The following STK39 variants were observed in gnomAD, a reference collection of about 807,000 sequenced individuals.
STK39 encodes the protein STE20/SPS1-related proline-alanine-rich protein kinase.
Under a neutral mutation model 77.8 loss-of-function variants are expected in STK39, and 20 were observed. That is an observed-to-expected ratio of 0.26 (90% confidence interval 0.18 to 0.37). The LOEUF (loss-of-function observed/expected upper bound fraction) is 0.37, where lower values mean the gene tolerates loss of function less well. Ranked by LOEUF, STK39 falls within the 10% of genes least tolerant of loss-of-function variation. The pLI, the probability that STK39 is intolerant of heterozygous loss-of-function variation, is 1.00. For synonymous variants in STK39, 246 were observed against 234.1 expected (o/e 1.05, Z -0.47); for missense variants, 479 against 656.5 (o/e 0.73, Z 2.95).
intron 2 of STK39, among the ~76,000 whole-genome samples, chr2:168,168,391 T>C (rs1327993808): frequency 6.6e-6 from 1 of 152,182 alleles, no homozygotes; most frequent in Non-Finnish European, 1.5e-5. Flanking sequence ...ACCAGACCAG[T>C]GTAACTCACT....
At chr2:168,144,597 T>C (rs1688083511) in intron 5 of STK39, among the ~76,000 whole-genome samples, 2 of 152,034 alleles carry the variant, frequency 1.3e-5, no homozygotes, top group South Asian at 4.1e-4. Context: ...TGAGCCACCA[T>C]GCCGAGCCTC....
At chr2:167,995,931 C>T (rs1683827463) in intron 16 of STK39, among the ~76,000 whole-genome samples, 1 of 152,142 alleles carries the variant, frequency 6.6e-6, no homozygotes, top group African/African-American at 2.4e-5. Context: ...ACACATGGGG[C>T]CCAGGCTCAG....
intron 14 of STK39, among the ~76,000 whole-genome samples, chr2:168,029,048 A>T (rs1261416228): frequency 4.6e-5 from 7 of 152,252 alleles, no homozygotes; most frequent in Non-Finnish European, 1.0e-4. Flanking sequence ...ACTATTAAGG[A>T]CAATTATGGT....
intron 10 of STK39, among the ~76,000 whole-genome samples, chr2:168,087,566 G>A (rs1032740507): frequency 6.6e-6 from 1 of 152,246 alleles, no homozygotes; most frequent in African/African-American, 2.4e-5. Flanking sequence ...AGCTTTAGCT[G>A]TGCCCTAGAG....
intron 8 of STK39, among the ~76,000 whole-genome samples, chr2:168,134,478 A>C (rs1400048725): frequency 2.0e-5 from 3 of 151,426 alleles, no homozygotes; most frequent in Non-Finnish European, 4.4e-5. Context: ...TCCTTTCTTA[A>C]GGATTTATCA....
chr2:168,169,519 A>G (rs1688769805), intron 2 of STK39, among the ~76,000 whole-genome samples: 1 of 152,208 alleles, frequency 6.6e-6, no homozygotes. Flanking sequence ...ATTCTTTTAC[A>G]TTGAAGGCAA....
At chr2:168,010,753 G>A (rs1218783451) in intron 16 of STK39, among the ~76,000 whole-genome samples, 7 of 152,090 alleles carry the variant, frequency 4.6e-5, no homozygotes, top group African/African-American at 1.7e-4. Context: ...CTGCATTTAT[G>A]ATATATCATT....
chr2:168,012,769 T>C, intron 15 of STK39, 67 bp from the exon 16 acceptor site: 7 of 1,314,872 alleles, frequency 5.3e-6, no homozygotes, highest in Non-Finnish European at 7.4e-6. Context: ...CAGTACAATG[T>C]AAAATATATA....
At chr2:168,009,990 G>C (rs759363593) in intron 16 of STK39, among the ~76,000 whole-genome samples, 1 of 152,150 alleles carries the variant, frequency 6.6e-6, no homozygotes, top group Non-Finnish European at 1.5e-5. Context: ...AAAAAAAGAA[G>C]TGCATTAAAC....
At chr2:168,065,467 C>T in intron 12 of STK39, 86 bp from the exon 13 acceptor site, 1 of 1,352,710 alleles carries the variant, frequency 7.4e-7, no homozygotes, top group African/African-American at 1.4e-5. Flanking sequence ...AATTATCAGA[C>T]CCAATAATTT....
chr2:168,201,548 A>C (rs1011630906), intron 1 of STK39, among the ~76,000 whole-genome samples: 1 of 152,230 alleles, frequency 6.6e-6, no homozygotes, highest in Non-Finnish European at 1.5e-5. Flanking sequence ...TTAAAATCAC[A>C]AAGCAGTCAA....
chr2:168,247,061 TA>T (rs755613797), intron 1 of STK39, among the ~76,000 whole-genome samples, 166 bp downstream of exon 1: 1,505 of 89,260 alleles, frequency 0.017, 64 homozygotes, highest in African/African-American at 0.057. Context: ...CATTAAAAAT[TA>T]AAAAAAAAAA....
chr2:168,231,910 C>A, intron 1 of STK39: 1 of 235,658 alleles, frequency 4.2e-6, no homozygotes. Context: ...GAGGAAGGGG[C>A]CACCCACCAA....
chr2:168,121,020 AT>A (rs1466789000), intron 10 of STK39, among the ~76,000 whole-genome samples: 9 of 152,224 alleles, frequency 5.9e-5, no homozygotes, highest in African/African-American at 2.2e-4. Flanking sequence ...TCCTCACACA[AT>A]TTAAATGGTG....
intron 10 of STK39, among the ~76,000 whole-genome samples, chr2:168,079,881 T>C (rs1282629395): frequency 6.6e-6 from 1 of 152,204 alleles, no homozygotes; most frequent in East Asian, 1.9e-4. Flanking sequence ...AGAATGATTG[T>C]ACTGCCCCAT....
At chr2:168,133,927 A>G (rs576637450) in intron 8 of STK39, among the ~76,000 whole-genome samples, 1 of 152,130 alleles carries the variant, frequency 6.6e-6, no homozygotes, top group African/African-American at 2.4e-5. Context: ...CCTGCTGCCC[A>G]TTTGATTTTA....
chr2:167,998,831 G>T (rs1451225062), intron 16 of STK39, among the ~76,000 whole-genome samples: 2 of 152,162 alleles, frequency 1.3e-5, no homozygotes, highest in Non-Finnish European at 2.9e-5. Flanking sequence ...AAGTCCTCCA[G>T]GATGATTTGC....
intron 16 of STK39, among the ~76,000 whole-genome samples, chr2:168,011,265 C>T (rs1284197492): frequency 6.6e-6 from 1 of 152,116 alleles, no homozygotes; most frequent in Admixed American, 6.6e-5. Context: ...CACCACTGCA[C>T]TCCAGCCTGG....
chr2:168,123,676 C>A (rs1010392075), intron 10 of STK39, among the ~76,000 whole-genome samples: 1 of 151,974 alleles, frequency 6.6e-6, no homozygotes, highest in Admixed American at 6.6e-5. Context: ...TCAAGAGAGC[C>A]TGGCCAACAT....
Sources: gnomAD v4.1 joint callset for allele counts (sites outside exome capture counted in the v4.1 genomes callset) on GRCh38, gnomAD v4.1.1 for gene constraint, MANE v1.5 for transcripts, NCBI Gene and HGNC (gene_info 2026-07-23, HGNC 2026-07-21) for gene names.